MBD3: variants seen among roughly 807,000 people sequenced by gnomAD.
MBD3 encodes the protein methyl-CpG-binding domain protein 3.
Under a neutral mutation model 31.2 loss-of-function variants are expected in MBD3, and 13 were observed. That is an observed-to-expected ratio of 0.42 (90% CI 0.27 to 0.66). The LOEUF is 0.66. Ranked by LOEUF, MBD3 falls within the 30% of genes least tolerant of loss-of-function variation. The pLI is 0.26. For missense variants in MBD3, 440 were observed against 426.5 expected (o/e 1.03, Z -0.28); for synonymous variants, 223 against 187.4 (o/e 1.19, Z -1.55).
In MBD3 at chr19:1,585,549, C is replaced by A; in HGVS notation, c.111-335G>T. Reference sequence around the variant, plus strand: ...GATCCTTGCTCCAGACCCCCAACCCCGGTCCCCTCTGAATCCTCCCCACCG... The same window carrying A: ...GATCCTTGCTCCAGACCCCCAACCCAGGTCCCCTCTGAATCCTCCCCACCG... On this transcript the variant is annotated intron_variant, in intron 1 of 6. Coordinates refer to ENST00000434436, the MANE Select transcript of MBD3 (RefSeq NM_001281453.2). This position sits in a 1 kb window ranked among gnomAD's most constrained non-coding sequence, Gnocchi z 4.1. 1 of 358,870 alleles carries A rather than the reference C, an allele frequency of 2.8e-6. No individual in the cohort carries two copies. Among genetic ancestry groups the A allele is most frequent in the South Asian group, 2.7e-5 (1 of 36,758 alleles). The allele number at this position is 358,870 out of a possible 1,614,324, so 22.2% of individuals were successfully genotyped here. A position where few individuals can be genotyped will look rare whatever the true frequency, so the allele number is the denominator to read the frequency against.
chr19:1,575,134 G>T lies in MBD3; in HGVS notation c.*3030C>A. ...GACACGTGAGGCTCTTGCTGCTGCT[G>T]GCAAGTGCCAGAAGGGCTGCCATGG... On this transcript the variant is annotated 3_prime_UTR_variant, in exon 7 of 7. Transcript: ENST00000434436. 1 of 415,028 alleles carries T rather than the reference G, an allele frequency of 2.4e-6. No individual in the cohort carries two copies. Among genetic ancestry groups the T allele is most frequent in the Non-Finnish European group, 4.9e-6 (1 of 203,740 alleles). 25.7% of individuals were successfully genotyped at this position (415,028 alleles called of 1,614,324 possible).
chr19:1,592,668 C>CCGCCGCCCGGACCCCCACT lies in MBD3; in HGVS notation c.-56_-38dup, dbSNP rs2060711447. ...CCTCGGCCCGCCGCCGGGCCCGCCG[C>CCGCCGCCCGGACCCCCACT]CGCCGCCCGGACCCCCACTCGCCGC... On this transcript the variant is annotated 5_prime_UTR_variant, in exon 1 of 7. Transcript: ENST00000434436. The CCGCCGCCCGGACCCCCACT allele has an allele frequency of 1.0e-6, 1 of 960,430 alleles. No homozygotes were observed. Among genetic ancestry groups the CCGCCGCCCGGACCCCCACT allele is most frequent in the Non-Finnish European group, 1.3e-6 (1 of 747,522 alleles). 59.5% of individuals were successfully genotyped at this position (960,430 alleles called of 1,614,324 possible).
At chr19:1,582,228 A>G (rs2145597810) in intron 4 of MBD3, among the ~76,000 whole-genome samples, 1 of 152,214 alleles carries the variant, frequency 6.6e-6, no homozygotes, top group South Asian at 2.1e-4. Flanking sequence ...ACAACCACCA[A>G]AACCATGCAA....
chr19:1,584,724 C>T (rs758815639), intron 2 of MBD3, 47 bp from the exon 3 acceptor site: 63 of 1,587,204 alleles, frequency 4.0e-5, no homozygotes, highest in Non-Finnish European at 5.1e-5. Context: ...GCCCCGGCGG[C>T]GCGGAGCCTC....
chr19:1,580,713 T>C (rs752340838), intron 5 of MBD3, among the ~76,000 whole-genome samples: 1 of 152,226 alleles, frequency 6.6e-6, no homozygotes, highest in Non-Finnish European at 1.5e-5. Flanking sequence ...TCCGAGGCTC[T>C]GCACATCAGA....
intron 3 of MBD3, 92 bp from the exon 4 acceptor site, chr19:1,582,804 C>T (rs550843323): frequency 6.5e-5 from 76 of 1,161,770 alleles, no homozygotes; most frequent in Non-Finnish European, 8.1e-5. Context: ...CACCTGGCCT[C>T]CTTGCCCCAT....
At chr19:1,582,472 T>G (rs958561534) in intron 4 of MBD3, 150 bp downstream of exon 4, 3 of 721,240 alleles carry the variant, frequency 4.2e-6, no homozygotes, top group East Asian at 5.5e-5. Context: ...CCCCACTGGG[T>G]CCCCTCCTCC....
rs367964470 is a variant in MBD3, at chr19:1,583,969, A to C, written c.408+571T>G. On this transcript the variant is annotated intron_variant, in intron 3 of 6. Transcript: ENST00000434436. ...CCCGGGTAGCTGGGATTACAGGCGC[A>C]CACCACCACGCCCAGCTAATTTTTG... 1.6e-3 allele frequency among the ~76,000 whole-genome samples: 243 copies of C among 151,398 alleles called. 1 individual carries two copies. The highest frequency in any genetic ancestry group is 4.7e-3 in the African/African-American group (193 of 41,216).
At chr19:1,587,093 G>A (rs2060682926) in intron 1 of MBD3, among the ~76,000 whole-genome samples, 1 of 151,816 alleles carries the variant, frequency 6.6e-6, no homozygotes, top group African/African-American at 2.4e-5. Context: ...AGCCTCCCGA[G>A]TAGCTGGGAC....
At position 1,592,434 on chromosome 19, in the gene MBD3, C is replaced by T; in HGVS notation, c.110+88G>A. On this transcript the variant is annotated intron_variant, in intron 1 of 6. Coordinates refer to ENST00000434436, the MANE Select transcript of MBD3 (RefSeq NM_001281453.2). The stretch of plus-strand genomic sequence containing the variant: ...CACGACGCACGCGCGGGGCCCAGGC[C>T]GCGGCCCGGGGCAGGGGCGCCGAGG... 7.0e-6 allele frequency: 3 copies of T among 428,610 alleles called. No individual in the cohort carries two copies. The South Asian group carries it at 2.3e-4, about 33-fold the overall frequency. The allele number at this position is 428,610 out of a possible 1,614,324, so 26.6% of individuals were successfully genotyped here. A position where few individuals can be genotyped will look rare whatever the true frequency, so the allele number is the denominator to read the frequency against.
chr19:1,590,566 G>A (rs1267036924), intron 1 of MBD3, among the ~76,000 whole-genome samples: 1 of 152,174 alleles, frequency 6.6e-6, no homozygotes, highest in African/African-American at 2.4e-5. Flanking sequence ...TGCGTAAGCC[G>A]TGATTGTACC....
intron 4 of MBD3, among the ~76,000 whole-genome samples, chr19:1,581,973 T>C (rs963769298): frequency 1.3e-4 from 20 of 152,126 alleles, no homozygotes; most frequent in Non-Finnish European, 1.5e-4. Flanking sequence ...TTCACCATGT[T>C]AGCCAGGATG....
intron 4 of MBD3, 48 bp downstream of exon 4, chr19:1,582,574 C>T (rs769700073): frequency 1.6e-5 from 25 of 1,573,974 alleles, no homozygotes; most frequent in Non-Finnish European, 2.1e-5. Flanking sequence ...AGCACCTCCA[C>T]CCCACCCGGC....
intron 1 of MBD3, among the ~76,000 whole-genome samples, chr19:1,591,056 C>G (rs2060701216): frequency 6.6e-6 from 1 of 152,216 alleles, no homozygotes; most frequent in South Asian, 2.1e-4. Context: ...GGCCTTGGTT[C>G]TAGCTCCCAA....
intron 4 of MBD3, chr19:1,581,536 A>T (rs1048227483): frequency 1.9e-6 from 1 of 540,174 alleles, no homozygotes; most frequent in African/African-American, 1.9e-5. Flanking sequence ...TGAGCTTAGG[A>T]GTTTGAGACC....
Position 1,581,241 on chromosome 19 carries a change from C to T in MBD3, c.528G>A (p.Thr176=), listed in dbSNP as rs377691076. 14 of 1,610,860 alleles carry T rather than the reference C, an allele frequency of 8.7e-6. No homozygotes were observed. The highest frequency in any genetic ancestry group is 2.2e-5 in the East Asian group (1 of 44,880). The change falls in exon 5 of 7, where the codon ACG becomes ACA. Residue 176 remains threonine (T), a synonymous_variant. Transcript: ENST00000434436. ...GGGCGCTGGCGATGGCCGACAGCAG[C>T]GTCTCATCCGTGCAGCCAGGTCCCA... The part of the protein sequence containing the change: ...QGVGPGCTDE[T]LLSAIASALH...
rs767717405 is a variant in MBD3, at chr19:1,585,163, G to A, written c.162C>T (p.Gly54=). 2.3e-5 allele frequency: 37 copies of A among 1,609,066 alleles called. No individual in the cohort carries two copies. The Middle Eastern group carries it at 6.6e-4, about 29-fold the overall frequency. The stretch of plus-strand genomic sequence containing the variant: ...CGAAGGTGCTCAGGTCCATGGAGCC[G>A]CCCAGGTAGCGCGCCAGCTGCGGCT... ...RSKPQLARYL[G]GSMDLSTFDF... is the part of the protein sequence containing the mutation. Residue 54 remains glycine (G), a synonymous_variant, in exon 2 of 7, where the codon GGC becomes GGT. Transcript: ENST00000434436. This position sits in a 1 kb window ranked among gnomAD's most constrained non-coding sequence, Gnocchi z 4.1.
rs1917267181 is a variant in MBD3, at chr19:1,578,465, C to T, written c.751G>A (p.Val251Met). ...EALMADMLAH[V>M]EELARDGEAP... ...TCCCCGTCACGGGCCAGCTCCTCCA[C>T]GTGCGCCAGCATGTCGGCCATCAGC... is the stretch of plus-strand genomic sequence containing the variant. Residue 251 changes from valine (V) to methionine (M), a missense_variant, in exon 6 of 7, where the codon GTG becomes ATG. Physicochemically the swap from Val to Met is conservative, Grantham distance 21. This residue lies in a region of MBD3 where 117 missense variants were observed against 95.0 expected (regional missense o/e 1.23). Transcript: ENST00000434436. This position sits in a 1 kb window ranked among gnomAD's most constrained non-coding sequence, Gnocchi z 6.1. 5.6e-6 allele frequency: 9 copies of T among 1,609,792 alleles called. No individual in the cohort carries two copies. Among genetic ancestry groups the T allele is most frequent in the Middle Eastern group, 1.7e-4 (1 of 6,058 alleles).
intron 1 of MBD3, among the ~76,000 whole-genome samples, chr19:1,588,779 CAAAAAAA>C (rs750933978): frequency 3.6e-5 from 2 of 54,950 alleles, no homozygotes; most frequent in Non-Finnish European, 6.8e-5. Flanking sequence ...ACTGTGTCTC[CAAAAAAA>C]AAAAAAAAAA....
Sources: gnomAD v4.1 joint callset for allele counts (sites outside exome capture counted in the v4.1 genomes callset) on GRCh38, gnomAD v4.1.1 for gene constraint, gnomAD v4.1.1 regional missense constraint, Gnocchi (gnomAD v3.1) non-coding constraint, MANE v1.5 for transcripts, NCBI Gene and HGNC (gene_info 2026-07-23, HGNC 2026-07-21) for gene names.